The following NRXN1 variants were observed in gnomAD, a reference collection of about 807,000 sequenced individuals.
NRXN1 encodes the protein neurexin 1, also known as neurexin-1.
NRXN1 carries 39 observed loss-of-function variants against 150.9 expected under a neutral mutation model. The ratio of observed to expected loss-of-function variants is 0.26; its 90% CI spans 0.20 to 0.34. The LOEUF (loss-of-function observed/expected upper bound fraction) is 0.34, where lower values mean the gene tolerates loss of function less well. Ranked by LOEUF, NRXN1 falls within the 10% of genes least tolerant of loss-of-function variation. The pLI, the probability that NRXN1 is intolerant of heterozygous loss-of-function variation, is 1.00. For synonymous variants in NRXN1, 924 were observed against 757.0 expected, an observed-to-expected ratio of 1.22 and a Z score of -3.62; for missense variants, 1,815 against 1,949.9, an observed-to-expected ratio of 0.93 and a Z score of 1.30.
chr2:50,290,838 T>G (rs2072829055), intron 17 of NRXN1, among the ~76,000 whole-genome samples: 1 of 152,178 alleles, frequency 6.6e-6, no homozygotes, highest in Non-Finnish European at 1.5e-5. Context: ...GTAGCTGTTC[T>G]AGAAGGCACT....
intron 17 of NRXN1, among the ~76,000 whole-genome samples, chr2:50,281,375 T>C (rs1214145378): frequency 6.6e-6 from 1 of 152,020 alleles, no homozygotes; most frequent in Non-Finnish European, 1.5e-5. Flanking sequence ...ATCACAACTT[T>C]GTTCTGTCCT....
At chr2:50,429,002 A>G (rs2104348201) in intron 17 of NRXN1, among the ~76,000 whole-genome samples, 1 of 152,330 alleles carries the variant, frequency 6.6e-6, no homozygotes, top group South Asian at 2.1e-4. Flanking sequence ...ACCTAGGTCT[A>G]CATTCTTTGA....
intron 21 of NRXN1, among the ~76,000 whole-genome samples, chr2:50,044,786 T>TA (rs1477530787): frequency 2.6e-5 from 4 of 152,192 alleles, no homozygotes; most frequent in African/African-American, 9.6e-5. Context: ...AGCATAATAA[T>TA]ACCTAGCAAA....
At chr2:50,986,888 A>T (rs115210748) in intron 2 of NRXN1, among the ~76,000 whole-genome samples, 5,289 of 151,924 alleles carry the variant, frequency 0.035, 115 homozygotes, top group Middle Eastern at 0.068. Flanking sequence ...TATATGCGTA[A>T]ATGTACAGAA....
At chr2:50,770,090 C>T (rs545235392) in intron 5 of NRXN1, among the ~76,000 whole-genome samples, 3 of 152,188 alleles carry the variant, frequency 2.0e-5, no homozygotes, top group South Asian at 2.1e-4. Flanking sequence ...TTGAAACATA[C>T]GCCATTTGGT....
At chr2:50,596,863 CTT>C (rs3053104) in intron 8 of NRXN1, among the ~76,000 whole-genome samples, 10 of 92,150 alleles carry the variant, frequency 1.1e-4, no homozygotes, top group African/African-American at 1.7e-4. Flanking sequence ...ATTCCTAGGA[CTT>C]TTTTTTTTTT....
chr2:50,620,302 T>G (rs1454343794), intron 7 of NRXN1, 119 bp from the exon 8 acceptor site: 23 of 1,169,506 alleles, frequency 2.0e-5, no homozygotes, highest in Non-Finnish European at 1.2e-6. Context: ...TTTGCTTTTT[T>G]CTTTTTTTCT....
chr2:50,868,864 T>G (rs1275444747), intron 5 of NRXN1, among the ~76,000 whole-genome samples: 1 of 151,880 alleles, frequency 6.6e-6, no homozygotes, highest in Non-Finnish European at 1.5e-5. Context: ...AGGATTACCT[T>G]AACATTCAAT....
At chr2:49,978,535 G>A (rs1049904977) in intron 21 of NRXN1, among the ~76,000 whole-genome samples, 1 of 152,102 alleles carries the variant, frequency 6.6e-6, no homozygotes, top group African/African-American at 2.4e-5. Context: ...TGGTGTTCAG[G>A]GTTAGTGCAG....
intron 15 of NRXN1, among the ~76,000 whole-genome samples, chr2:50,495,339 G>A (rs917048738): frequency 1.7e-5 from 2 of 117,382 alleles, no homozygotes; most frequent in Admixed American, 9.2e-5. Context: ...GGTGAAAGAA[G>A]CATTCCGTGT....
rs201107752 is a variant in NRXN1, at chr2:50,053,597, A to G, written c.3809-7T>C. The G allele has an allele frequency of 3.7e-6, 6 of 1,613,668 alleles. No individual in the cohort carries two copies. The South Asian group carries it at 6.6e-5, about 18-fold the overall frequency. ...AAGATTGTGAGCTGACGCCCTGTAA[A>G]AATAATATTACATACATGCAAAAAT... On this transcript the variant is annotated splice_polypyrimidine_tract_variant and splice_region_variant and intron_variant, in intron 20 of 22. Coordinates refer to ENST00000401669, the MANE Select transcript of NRXN1 (RefSeq NM_001330078.2).
intron 5 of NRXN1, among the ~76,000 whole-genome samples, chr2:50,914,007 G>A (rs1684878836): frequency 6.6e-6 from 1 of 151,678 alleles, no homozygotes; most frequent in African/African-American, 2.4e-5. Flanking sequence ...AAACCCTTTA[G>A]CTCTCACTCT....
chr2:50,961,427 G>T (rs547340749), intron 2 of NRXN1, among the ~76,000 whole-genome samples: 23 of 151,632 alleles, frequency 1.5e-4, no homozygotes, highest in Admixed American at 1.5e-3. Flanking sequence ...TCCATCATTT[G>T]TTTTAAATAA....
At chr2:50,920,996 C>T (rs1204222912) in intron 5 of NRXN1, among the ~76,000 whole-genome samples, 1 of 151,568 alleles carries the variant, frequency 6.6e-6, no homozygotes, top group African/African-American at 2.4e-5. Flanking sequence ...TCCCAATTCA[C>T]CAGATTAACA....
At chr2:50,507,764 T>G (rs2092300259) in intron 12 of NRXN1, among the ~76,000 whole-genome samples, 1 of 151,712 alleles carries the variant, frequency 6.6e-6, no homozygotes. Context: ...TAAAGATACA[T>G]TGTTTGGTAA....
At chr2:50,931,538 T>A (rs72823589) in intron 2 of NRXN1, among the ~76,000 whole-genome samples, 12,558 of 152,060 alleles carry the variant, frequency 0.083, 608 homozygotes, top group South Asian at 0.11. Context: ...TTATATCAAA[T>A]TAAAAATATT....
chr2:50,905,070 G>C (rs1683483136), intron 5 of NRXN1, among the ~76,000 whole-genome samples: 1 of 152,036 alleles, frequency 6.6e-6, no homozygotes, highest in South Asian at 2.1e-4. Context: ...TGTAAATCTA[G>C]TTTCTCATGT....
At chr2:50,440,511 T>C (rs904612634) in intron 17 of NRXN1, among the ~76,000 whole-genome samples, 2 of 152,076 alleles carry the variant, frequency 1.3e-5, no homozygotes, top group Non-Finnish European at 2.9e-5. Context: ...AAATAGATGG[T>C]TTGATAGATG....
At chr2:50,180,322 G>C (rs1368907003) in intron 18 of NRXN1, among the ~76,000 whole-genome samples, 3 of 152,116 alleles carry the variant, frequency 2.0e-5, no homozygotes, top group Non-Finnish European at 4.4e-5. Flanking sequence ...ACTGTGCCAG[G>C]CTCAATTTTT....
Sources: allele counts gnomAD v4.1 joint callset (sites outside exome capture counted in the v4.1 genomes callset), GRCh38; gene constraint gnomAD v4.1.1; transcripts MANE v1.5; gene names NCBI Gene and HGNC (gene_info 2026-07-23, HGNC 2026-07-21).